The following POLN variants were observed in gnomAD, a reference collection of about 807,000 sequenced individuals.
The protein encoded by POLN is DNA polymerase nu.
Under a neutral mutation model 113.5 loss-of-function variants are expected in POLN, and 108 were observed. The ratio of observed to expected loss-of-function variants is 0.95; its 90% CI spans 0.81 to 1.12. POLN has a LOEUF of 1.12. Among genes scored for constraint, POLN ranks in the 50% most tolerant of loss-of-function variants. The pLI, the probability that POLN is intolerant of heterozygous loss-of-function variation, is 0.00. For synonymous variants in POLN, 386 were observed against 391.5 expected (o/e 0.99, Z 0.17); for missense variants, 1,097 against 1,077.1 (o/e 1.02, Z -0.26).
Position 2,235,621 on chromosome 4 carries a change from T to C in POLN, c.-13+5899A>G, listed in dbSNP as rs572607444. Among the ~76,000 whole-genome samples the C allele has an allele frequency of 4.3e-4, 65 of 152,274 alleles. 1 individual carries two copies. Among genetic ancestry groups the C allele is most frequent in the African/African-American group, 1.4e-3 (57 of 41,550 alleles). ...TGAGTCTCAAAAACATATTAAGCCA[T>C]TGAAAAAGCAAGCAAGTCATTGAAG... On this transcript the variant is annotated intron_variant, in intron 2 of 25. Transcript: ENST00000511885.
intron 13 of POLN, among the ~76,000 whole-genome samples, chr4:2,170,347 T>G (rs746165021): frequency 6.6e-6 from 1 of 152,238 alleles, no homozygotes; most frequent in African/African-American, 2.4e-5. Flanking sequence ...AGGAGAAGAC[T>G]GATGACCCGT....
At chr4:2,194,669 A>G (rs1476925840) in intron 6 of POLN, among the ~76,000 whole-genome samples, 1 of 152,194 alleles carries the variant, frequency 6.6e-6, no homozygotes, top group Non-Finnish European at 1.5e-5. Context: ...TCTTCCGCTA[A>G]TAAGAGATTA....
At chr4:2,207,389 T>TA (rs1733874938) in intron 5 of POLN, among the ~76,000 whole-genome samples, 2 of 152,006 alleles carry the variant, frequency 1.3e-5, no homozygotes, top group Non-Finnish European at 2.9e-5. Flanking sequence ...GAAAGGTTTT[T>TA]AAAAAAATCA....
chr4:2,187,610 A>G (rs9997220), intron 7 of POLN, among the ~76,000 whole-genome samples: 37,483 of 152,090 alleles, frequency 0.25, 7,139 homozygotes, highest in African/African-American at 0.51. Context: ...TTAAACCCAA[A>G]TAAAACTACC....
Position 2,085,642 on chromosome 4 carries a change from C to A in POLN, c.2168G>T (p.Arg723Leu), listed in dbSNP as rs141418933. 8.7e-6 allele frequency: 14 copies of A among 1,614,078 alleles called. No homozygotes were observed. The South Asian group carries it at 8.8e-5, about 10-fold the overall frequency. Residue 723 changes from arginine to leucine, a missense_variant, in exon 21 of 26, where the codon CGA becomes CTA. Coordinates refer to ENST00000511885, the MANE Select transcript of POLN (RefSeq NM_181808.4). ...CTGGTGACACTGGGCAATAGCTGCT[C>A]GGGCGAAGTCCTTGATTTTCTTGTA... Reference protein sequence around the residue: ...QKYKKIKDFARAAIAQCHQTG... With the variant: ...QKYKKIKDFALAAIAQCHQTG...
intron 2 of POLN, among the ~76,000 whole-genome samples, chr4:2,232,985 C>G (rs143001020): frequency 0.01 from 1,573 of 152,254 alleles, 32 homozygotes; most frequent in African/African-American, 0.034. Flanking sequence ...TGTACCCCCC[C>G]ACTAGACTAA....
chr4:2,238,758 G>A lies in POLN; in HGVS notation c.-13+2762C>T, dbSNP rs148548454. On this transcript the variant is annotated intron_variant, in intron 2 of 25. Transcript: ENST00000511885. ...TTTTCAAGTTGACGATATATGTCCCGATGCTTTCTTAATTCAATTTCATAT... is the reference window on the plus strand; with the variant it reads ...TTTTCAAGTTGACGATATATGTCCCAATGCTTTCTTAATTCAATTTCATAT... 9.3e-6 allele frequency: 15 copies of A among 1,613,558 alleles called. No individual in the cohort carries two copies. The highest frequency in any genetic ancestry group is 3.3e-5 in the South Asian group (3 of 91,052).
At position 2,157,876 on chromosome 4, in the gene POLN, T is replaced by G. The variant is rs139046226; in HGVS notation, c.1647A>C (p.Leu549Phe). 5.6e-6 allele frequency: 9 copies of G among 1,608,474 alleles called. No homozygotes were observed. Among genetic ancestry groups the G allele is most frequent in the Non-Finnish European group, 7.7e-6 (9 of 1,175,504 alleles). Reference protein sequence around the residue: ...HKIKSTFVDGLLACMKKGSIS... With the variant: ...HKIKSTFVDGFLACMKKGSIS... The stretch of plus-strand genomic sequence containing the variant: ...TTGTTACCTTTTTCATGCAAGCTAG[T>G]AATCCATCTACAAAGGTTGACTTGA... Residue 549 changes from leucine (L) to phenylalanine (F), a missense_variant, in exon 15 of 26, where the codon TTA (leucine) becomes TTC (phenylalanine). Physicochemically the swap from Leu to Phe is conservative, Grantham distance 22. Transcript: ENST00000511885.
intron 3 of POLN, among the ~76,000 whole-genome samples, chr4:2,217,933 T>C (rs1386637415): frequency 6.6e-6 from 1 of 152,244 alleles, no homozygotes; most frequent in Non-Finnish European, 1.5e-5. Context: ...TCTTAATGGT[T>C]ATGTGGTTAA....
intron 13 of POLN, among the ~76,000 whole-genome samples, chr4:2,162,512 C>T (rs1348267951): frequency 6.6e-6 from 1 of 152,178 alleles, no homozygotes; most frequent in Non-Finnish European, 1.5e-5. Flanking sequence ...CAATTCCGGA[C>T]ACAGCACCAT....
intron 9 of POLN, 133 bp from the exon 10 acceptor site, chr4:2,174,884 G>C (rs577876756): frequency 3.2e-6 from 2 of 616,702 alleles, no homozygotes; most frequent in Non-Finnish European, 5.7e-6. Flanking sequence ...GTGCAGTGGC[G>C]TGATCTCAGC....
chr4:2,240,709 C>A lies in POLN; in HGVS notation c.-13+811G>T, dbSNP rs751158200. The A allele has an allele frequency of 2.5e-6, 4 of 1,614,032 alleles. No homozygotes were observed. In the South Asian group the frequency reaches 4.4e-5, roughly 18 times the overall value. The stretch of plus-strand genomic sequence containing the variant: ...TCAGAAGTTTTACACGTTTTAAGAG[C>A]TTCATCCAATGCCGCCCCTTCTAGA... On this transcript the variant is annotated intron_variant, in intron 2 of 25. Transcript: ENST00000511885.
chr4:2,122,613 T>C (rs866998654), intron 19 of POLN, among the ~76,000 whole-genome samples: 15 of 152,112 alleles, frequency 9.9e-5, no homozygotes, highest in African/African-American at 3.6e-4. Flanking sequence ...GCAGAGAAAC[T>C]TGAACCCCAC....
At chr4:2,089,393 C>G (rs1360865312) in intron 20 of POLN, 4 of 1,381,452 alleles carry the variant, frequency 2.9e-6, no homozygotes, top group Non-Finnish European at 9.9e-7. Context: ...AAACTTAGAT[C>G]TGTGAAACTG....
At chr4:2,072,500 T>A (rs1444356832) in intron 25 of POLN, among the ~76,000 whole-genome samples, 3 of 152,126 alleles carry the variant, frequency 2.0e-5, no homozygotes, top group Non-Finnish European at 2.9e-5. Flanking sequence ...CACATCCACC[T>A]CCCAGTCACG....
chr4:2,083,942 C>T (rs1577681359), intron 21 of POLN, among the ~76,000 whole-genome samples: 2 of 152,354 alleles, frequency 1.3e-5, no homozygotes, highest in East Asian at 3.9e-4. Flanking sequence ...TCTCCCAGGA[C>T]CTTGGGACGG....
In POLN at chr4:2,151,305, G is replaced by A. The variant is rs944751421; in HGVS notation, c.1731+5483C>T. On this transcript the variant is annotated intron_variant, in intron 16 of 25. Coordinates refer to ENST00000511885, the MANE Select transcript of POLN (RefSeq NM_181808.4). Reference sequence around the variant, plus strand: ...CAGAATGGCTCAAATTAGAAAGACCGGCCAGATCAAATGCTGCTAGGAGTG... The same window carrying A: ...CAGAATGGCTCAAATTAGAAAGACCAGCCAGATCAAATGCTGCTAGGAGTG... Among the ~76,000 whole-genome samples, 4 of 152,252 alleles carry A rather than the reference G, an allele frequency of 2.6e-5. No individual in the cohort carries two copies. In the South Asian group the frequency reaches 8.3e-4, roughly 32 times the overall value.
chr4:2,191,338 G>T (rs1733434180), intron 7 of POLN, among the ~76,000 whole-genome samples: 1 of 152,168 alleles, frequency 6.6e-6, no homozygotes, highest in South Asian at 2.1e-4. Context: ...GGAAGGGTAA[G>T]GGGGCGGTGG....
intron 19 of POLN, among the ~76,000 whole-genome samples, chr4:2,105,843 A>ATGG (rs951874459): frequency 6.6e-6 from 1 of 151,526 alleles, no homozygotes; most frequent in African/African-American, 2.4e-5. Context: ...GATGATGATG[A>ATGG]TGATGGTGAT....
Sources: gnomAD v4.1 joint callset for allele counts (sites outside exome capture counted in the v4.1 genomes callset) on GRCh38, gnomAD v4.1.1 for gene constraint, MANE v1.5 for transcripts, NCBI Gene and HGNC (gene_info 2026-07-23, HGNC 2026-07-21) for gene names.